Variants in LMO3 observed in about 807,000 individuals in gnomAD.
The protein encoded by LMO3 is LIM domain only protein 3.
Under a neutral mutation model 15.8 loss-of-function variants are expected in LMO3, and 2 were observed. The observed-to-expected ratio is 0.13, with a 90% confidence interval of 0.05 to 0.40. LMO3 has a LOEUF of 0.40. Among genes scored for constraint, LMO3 ranks in the 10% least tolerant of loss-of-function variants. LMO3 has a pLI of 0.99. For missense variants in LMO3, 86 were observed against 182.2 expected (o/e 0.47, Z 3.04); for synonymous variants, 62 against 63.8 (o/e 0.97, Z 0.13).
chr12:16,579,625 A>T (rs2137523986), intron 2 of LMO3, among the ~76,000 whole-genome samples: 1 of 152,332 alleles, frequency 6.6e-6, no homozygotes, highest in Non-Finnish European at 1.5e-5. Context: ...GGAATCCTTT[A>T]GTTGAAGTCT....
chr12:16,554,586 T>C (rs1942116189), intron 3 of LMO3, among the ~76,000 whole-genome samples: 1 of 152,218 alleles, frequency 6.6e-6, no homozygotes, highest in Admixed American at 6.5e-5. Context: ...GTGTATCAAA[T>C]GACACTACCC....
intron 2 of LMO3, among the ~76,000 whole-genome samples, chr12:16,572,983 G>T (rs1231553522): frequency 6.6e-6 from 1 of 151,710 alleles, no homozygotes; most frequent in Non-Finnish European, 1.5e-5. Context: ...ATGCTTGAAA[G>T]TAGAGATTTT....
rs537219730 is a variant in LMO3, at chr12:16,568,749, T to G, written c.207-8211A>C. On this transcript the variant is annotated intron_variant, in intron 2 of 3. Transcript: ENST00000537304. Reference sequence around the variant, plus strand: ...ACTTTGGCTACTAGAAATATTAAAATTAATATGTGGATTACATTCTATTTC... The same window carrying G: ...ACTTTGGCTACTAGAAATATTAAAAGTAATATGTGGATTACATTCTATTTC... 9.2e-5 allele frequency among the ~76,000 whole-genome samples: 14 copies of G among 152,332 alleles called. No homozygotes were observed. The South Asian group carries it at 2.9e-3, about 32-fold the overall frequency.
Position 16,599,018 on chromosome 12 carries a change from T to G in LMO3, c.206+1637A>C, listed in dbSNP as rs1943742352. On this transcript the variant is annotated intron_variant, in intron 2 of 3. Coordinates refer to ENST00000537304, the MANE Select transcript of LMO3 (RefSeq NM_018640.5). This position sits in a 1 kb window ranked among gnomAD's most constrained non-coding sequence, Gnocchi z 4.1. The stretch of plus-strand genomic sequence containing the variant: ...TCAAAAGGAGTCAAAAAGCTATGAC[T>G]ATTGGTTAGTACAGATAAAGCAAAA... 8.2e-6 allele frequency: 2 copies of G among 244,384 alleles called. 1 individual carries two copies. Among genetic ancestry groups the G allele is most frequent in the South Asian group, 9.3e-5 (2 of 21,504 alleles). The allele number at this position is 244,384 out of a possible 1,614,324, so 15.1% of individuals were successfully genotyped here. A position where few individuals can be genotyped will look rare whatever the true frequency, so the allele number is the denominator to read the frequency against.
At chr12:16,595,834 T>C (rs1943636531) in intron 2 of LMO3, among the ~76,000 whole-genome samples, 1 of 151,448 alleles carries the variant, frequency 6.6e-6, no homozygotes, top group Non-Finnish European at 1.5e-5. Flanking sequence ...CCATTTCATA[T>C]AAAAGTTTAT....
intron 2 of LMO3, chr12:16,567,357 G>A (rs2137399579): frequency 6.5e-6 from 1 of 153,660 alleles, no homozygotes; most frequent in South Asian, 2.0e-4. Flanking sequence ...GAAATGTTCA[G>A]TGGACTATGG....
chr12:16,562,741 T>C (rs1352917994), intron 2 of LMO3, among the ~76,000 whole-genome samples: 2 of 152,220 alleles, frequency 1.3e-5, no homozygotes, highest in Non-Finnish European at 2.9e-5. Flanking sequence ...GGAAAATCTA[T>C]GGCAATCTGC....
At chr12:16,602,658 C>A (rs1943860185) in intron 1 of LMO3, among the ~76,000 whole-genome samples, 1 of 152,160 alleles carries the variant, frequency 6.6e-6, no homozygotes, top group Admixed American at 6.5e-5. Context: ...TTAATCATAA[C>A]CCTTGATAGC....
intron 1 of LMO3, 85 bp from the exon 2 acceptor site, chr12:16,600,953 C>A: frequency 9.9e-7 from 1 of 1,005,810 alleles, no homozygotes; most frequent in Admixed American, 2.5e-5. Context: ...TTTAATATTT[C>A]CTTATTCTAG....
In LMO3 at chr12:16,568,017, C is replaced by CTGTT. The variant is rs1226336940; in HGVS notation, c.207-7483_207-7480dup. ...AACAGGAGGGAGAAAGAATATTTAA[C>CTGTT]TGTTTGATTTTTTGGAATTCTTGAG... On this transcript the variant is annotated intron_variant, in intron 2 of 3. Coordinates refer to ENST00000537304, the MANE Select transcript of LMO3 (RefSeq NM_018640.5). Among the ~76,000 whole-genome samples the CTGTT allele has an allele frequency of 8.5e-5, 13 of 152,206 alleles. No individual in the cohort carries two copies. In the East Asian group the frequency reaches 9.7e-4, roughly 11 times the overall value.
chr12:16,566,351 T>G (rs910615504), intron 2 of LMO3, among the ~76,000 whole-genome samples: 6 of 151,836 alleles, frequency 4.0e-5, no homozygotes, highest in African/African-American at 1.5e-4. Context: ...AGGGTGACTA[T>G]GGGCAACAGT....
chr12:16,605,214 C>G (rs1176286166), intron 1 of LMO3: 2 of 1,316,426 alleles, frequency 1.5e-6, no homozygotes, highest in Admixed American at 6.9e-5. Context: ...TTTTAGCTTC[C>G]TGGTAACAAA....
intron 2 of LMO3, among the ~76,000 whole-genome samples, chr12:16,583,812 G>A (rs184326586): frequency 8.1e-4 from 123 of 152,296 alleles, no homozygotes; most frequent in African/African-American, 2.8e-3. Context: ...GAAGATGGAA[G>A]TGAAGGGGAC....
At position 16,568,658 on chromosome 12, in the gene LMO3, T is replaced by G. The variant is rs1485807771; in HGVS notation, c.207-8120A>C. Among the ~76,000 whole-genome samples the G allele has an allele frequency of 2.6e-5, 4 of 152,382 alleles. No individual in the cohort carries two copies. The South Asian group carries it at 6.2e-4, about 24-fold the overall frequency. ...GATTACACATTGAGATGGTAATCTT[T>G]GGATACATTGCATTAAATACGTTGT... On this transcript the variant is annotated intron_variant, in intron 2 of 3. Transcript: ENST00000537304.
At chr12:16,572,102 C>A (rs1395746353) in intron 2 of LMO3, among the ~76,000 whole-genome samples, 1 of 151,714 alleles carries the variant, frequency 6.6e-6, no homozygotes, top group Non-Finnish European at 1.5e-5. Context: ...AAAATGGTAT[C>A]CTGCAAGAAA....
In LMO3 at chr12:16,551,291, G is replaced by T. The variant is rs760247878; in HGVS notation, c.369C>A (p.Asn123Lys). The change falls in exon 4 of 4, where the codon AAC (asparagine) becomes AAA (lysine). Residue 123 changes from asparagine (N) to lysine (K), a missense_variant. Coordinates refer to ENST00000537304, the MANE Select transcript of LMO3 (RefSeq NM_018640.5). ...CGTAGTCCGTCTGGCAAAGGATCAT[G>T]TTATTCTTTAGGAAAAATTTGTCTC... ...CVGDKFFLKN[N>K]MILCQTDYEE... 1.2e-6 allele frequency: 2 copies of T among 1,612,504 alleles called. No individual in the cohort carries two copies. The highest frequency in any genetic ancestry group is 1.7e-6 in the Non-Finnish European group (2 of 1,178,628).
rs915719848 is a variant in LMO3, at chr12:16,604,834, A to G, written c.-9+1232T>C. The G allele has an allele frequency of 3.8e-6, 6 of 1,598,048 alleles. No homozygotes were observed. The African/African-American group carries it at 5.3e-5, about 14-fold the overall frequency. On this transcript the variant is annotated intron_variant, in intron 1 of 3. Coordinates refer to ENST00000537304, the MANE Select transcript of LMO3 (RefSeq NM_018640.5). This position sits in a 1 kb window ranked among gnomAD's most constrained non-coding sequence, Gnocchi z 5.3. Reference sequence around the variant, plus strand: ...GCGGCCAGGAGTGCAGAGCGCCAGCAAAGTGCATCTATGATAGACTGTAAC... The same window carrying G: ...GCGGCCAGGAGTGCAGAGCGCCAGCGAAGTGCATCTATGATAGACTGTAAC...
At chr12:16,568,922 A>T (rs1272683473) in intron 2 of LMO3, among the ~76,000 whole-genome samples, 1 of 152,230 alleles carries the variant, frequency 6.6e-6, no homozygotes, top group Admixed American at 6.5e-5. Context: ...CTTAAAGATA[A>T]GAAAAAATAC....
rs2137328395 is a variant in LMO3 at position 16,560,049 on chromosome 12, T to C, written c.332+364A>G. Among the ~76,000 whole-genome samples the C allele has an allele frequency of 6.6e-6, 1 of 152,268 alleles. No homozygotes were observed. The highest frequency in any genetic ancestry group is 2.1e-4 in the South Asian group (1 of 4,824). On this transcript the variant is annotated intron_variant, in intron 3 of 3. Coordinates refer to ENST00000537304, the MANE Select transcript of LMO3 (RefSeq NM_018640.5). The surrounding 1 kb of genome is among the most constrained non-coding windows in gnomAD (Gnocchi z 5.0). ...AAAATACCTGCAACAAATTCCTGTA[T>C]ATTTGCTTCATTGCCAATTTATTTA...
Sources: gnomAD v4.1 joint callset for allele counts (sites outside exome capture counted in the v4.1 genomes callset) on GRCh38, gnomAD v4.1.1 for gene constraint, Gnocchi (gnomAD v3.1) non-coding constraint, MANE v1.5 for transcripts, NCBI Gene and HGNC (gene_info 2026-07-23, HGNC 2026-07-21) for gene names.